Variants in UBE3D observed in about 807,000 individuals in gnomAD.
UBE3D encodes the protein E3 ubiquitin-protein ligase E3D.
In UBE3D, 48 loss-of-function variants were observed where a neutral mutation model predicts 49.6. That is an observed-to-expected ratio of 0.97 (90% CI 0.77 to 1.23). UBE3D has a LOEUF of 1.23. UBE3D is among the 50% of genes most tolerant of loss of function. The probability of loss-of-function intolerance (pLI) is 0.00; values close to 1 mark genes in which losing one functional copy is unlikely to be tolerated. For synonymous variants in UBE3D, 189 were observed against 174.2 expected, an observed-to-expected ratio of 1.08 and a Z score of -0.67; for missense variants, 452 against 468.4, an observed-to-expected ratio of 0.96 and a Z score of 0.32.
chr6:83,029,469 T>C (rs1781713813), intron 5 of UBE3D, among the ~76,000 whole-genome samples: 1 of 152,224 alleles, frequency 6.6e-6, no homozygotes, highest in Non-Finnish European at 1.5e-5. Context: ...TTTTCTAATT[T>C]ATTGAGATTT....
At chr6:83,004,496 C>T (rs1399544678) in intron 8 of UBE3D, among the ~76,000 whole-genome samples, 3 of 152,122 alleles carry the variant, frequency 2.0e-5, no homozygotes, top group Non-Finnish European at 4.4e-5. Context: ...TTAAGTATAT[C>T]CCACACTGCA....
chr6:83,056,980 T>C (rs1383009696), intron 2 of UBE3D, among the ~76,000 whole-genome samples: 1 of 152,186 alleles, frequency 6.6e-6, no homozygotes, highest in East Asian at 1.9e-4. Context: ...AATGAACCAA[T>C]AATTTTATAC....
chr6:83,022,465 T>C lies in UBE3D; in HGVS notation c.834A>G (p.Lys278=). 6.3e-7 allele frequency: 1 copy of C among 1,596,736 alleles called. No individual in the cohort carries two copies. Among genetic ancestry groups the C allele is most frequent in the Non-Finnish European group, 8.5e-7 (1 of 1,173,410 alleles). Residue 278 remains lysine, a synonymous_variant, in exon 7 of 10, where the codon AAA becomes AAG. Transcript: ENST00000369747. ...FRFTIQGQDD[K]VYILLWLLNS... The stretch of plus-strand genomic sequence containing the variant: ...AATAATTTCTTACCAAGATATACAC[T>C]TTGTCATCCTGACCTTGAATCGTGA...
At chr6:83,010,923 A>T (rs114042752) in intron 8 of UBE3D, among the ~76,000 whole-genome samples, 1 of 152,148 alleles carries the variant, frequency 6.6e-6, no homozygotes, top group Admixed American at 6.5e-5. Flanking sequence ...CGACACACCC[A>T]GAGTCAATAC....
Position 83,019,007 on chromosome 6 carries a change from G to A in UBE3D, c.976C>T (p.Leu326Phe), listed in dbSNP as rs201296041. ...SSSAWSAVKV[L>F]YQPCIKSRNE... The stretch of plus-strand genomic sequence containing the variant: ...CTGCTTTTGATGCATGGCTGGTAGA[G>A]GACCTTGACAGCACTCCAGGCAGAA... The change falls in exon 8 of 10, where the codon CTC becomes TTC. Residue 326 changes from leucine to phenylalanine, a missense_variant. Leu to Phe is a conservative substitution (Grantham distance 22, BLOSUM62 0). Coordinates refer to ENST00000369747, the MANE Select transcript of UBE3D (RefSeq NM_198920.3). 241 of 1,613,486 alleles carry A rather than the reference G, an allele frequency of 1.5e-4. No homozygotes were observed. In the East Asian group the frequency reaches 5.2e-3, roughly 35 times the overall value.
chr6:83,015,696 G>C (rs1267374639), intron 8 of UBE3D, among the ~76,000 whole-genome samples: 1 of 152,168 alleles, frequency 6.6e-6, no homozygotes, highest in Non-Finnish European at 1.5e-5. Context: ...TCTAGTTATA[G>C]GTCTAGAAGC....
intron 9 of UBE3D, among the ~76,000 whole-genome samples, chr6:82,898,391 T>C (rs6929929): frequency 0.17 from 26,279 of 152,112 alleles, 3,748 homozygotes; most frequent in African/African-American, 0.39. Flanking sequence ...ATGTTTATTG[T>C]AGCACTGTTC....
chr6:82,917,797 T>G (rs1773032644), intron 9 of UBE3D, among the ~76,000 whole-genome samples: 1 of 152,164 alleles, frequency 6.6e-6, no homozygotes, highest in Admixed American at 6.6e-5. Context: ...AAGAAAAACC[T>G]CAACACAGAA....
At chr6:83,027,930 T>A (rs1016984866) in intron 5 of UBE3D, among the ~76,000 whole-genome samples, 3 of 152,168 alleles carry the variant, frequency 2.0e-5, no homozygotes, top group Admixed American at 6.5e-5. Flanking sequence ...CGTCTCTTAC[T>A]CTCTCTTCTA....
chr6:83,061,299 A>T (rs1437708060), intron 1 of UBE3D, among the ~76,000 whole-genome samples: 2 of 152,204 alleles, frequency 1.3e-5, no homozygotes, highest in Non-Finnish European at 2.9e-5. Context: ...ATGACAGTGA[A>T]ATGCAATGCC....
At chr6:83,032,294 G>A (rs1781934255) in intron 5 of UBE3D, 1 of 454,972 alleles carries the variant, frequency 2.2e-6, no homozygotes, top group Non-Finnish European at 4.4e-6. Flanking sequence ...CCCACCTCTT[G>A]CATCAGCATG....
At chr6:82,951,098 A>G (rs1019523870) in intron 9 of UBE3D, among the ~76,000 whole-genome samples, 9 of 152,224 alleles carry the variant, frequency 5.9e-5, no homozygotes, top group Non-Finnish European at 1.2e-4. Flanking sequence ...AATAACTAAA[A>G]GAGTATAAGT....
chr6:82,998,038 A>G (rs922934597), intron 8 of UBE3D, among the ~76,000 whole-genome samples: 1 of 152,178 alleles, frequency 6.6e-6, no homozygotes, highest in East Asian at 1.9e-4. Context: ...GGCAGTTGAT[A>G]TTGTGCAGTG....
At chr6:82,913,333 G>C (rs1158580935) in intron 9 of UBE3D, among the ~76,000 whole-genome samples, 1 of 152,184 alleles carries the variant, frequency 6.6e-6, no homozygotes, top group Non-Finnish European at 1.5e-5. Context: ...TAGAGCCTGG[G>C]AGAAATGACT....
chr6:82,918,788 C>T (rs555272031), intron 9 of UBE3D, among the ~76,000 whole-genome samples: 2 of 151,910 alleles, frequency 1.3e-5, no homozygotes, highest in East Asian at 3.9e-4. Flanking sequence ...CAGATCCAGA[C>T]AATGAGAAGC....
At chr6:82,985,516 C>T (rs1436989832) in intron 8 of UBE3D, among the ~76,000 whole-genome samples, 1 of 152,082 alleles carries the variant, frequency 6.6e-6, no homozygotes, top group Non-Finnish European at 1.5e-5. Flanking sequence ...GCATATGCCA[C>T]CATACCTGGC....
At chr6:83,003,469 T>C (rs755885343) in intron 8 of UBE3D, among the ~76,000 whole-genome samples, 1 of 152,198 alleles carries the variant, frequency 6.6e-6, no homozygotes, top group East Asian at 1.9e-4. Flanking sequence ...TCATGGATAG[T>C]ATACGAATTT....
chr6:82,924,356 CAG>C (rs1386044025), intron 9 of UBE3D, among the ~76,000 whole-genome samples: 1 of 152,072 alleles, frequency 6.6e-6, no homozygotes, highest in East Asian at 1.9e-4. Flanking sequence ...CAAAAATATT[CAG>C]AGTTTTGATT....
chr6:82,896,229 TAA>T (rs1771304878), intron 9 of UBE3D, among the ~76,000 whole-genome samples: 2 of 152,330 alleles, frequency 1.3e-5, no homozygotes, highest in African/African-American at 2.4e-5. Context: ...CCATTTATTT[TAA>T]GAGAGGATAA....
Sources: allele counts gnomAD v4.1 joint callset (sites outside exome capture counted in the v4.1 genomes callset), GRCh38; gene constraint gnomAD v4.1.1; transcripts MANE v1.5; gene names NCBI Gene and HGNC (gene_info 2026-07-23, HGNC 2026-07-21).